Variants in BMPER observed in about 807,000 individuals in gnomAD.
The protein encoded by BMPER is BMP binding endothelial regulator, also known as BMP-binding endothelial regulator protein.
In BMPER, 45 loss-of-function variants were observed where a neutral mutation model predicts 87.3. The ratio of observed to expected loss-of-function variants is 0.52; its 90% CI spans 0.41 to 0.66. The LOEUF is 0.66. Ranked by LOEUF, BMPER falls within the 30% of genes least tolerant of loss-of-function variation. The pLI, the probability that BMPER is intolerant of heterozygous loss-of-function variation, is 0.00. For synonymous variants in BMPER, 326 were observed against 316.2 expected (o/e 1.03, Z -0.33); for missense variants, 784 against 867.5 (o/e 0.90, Z 1.21).
At chr7:33,912,048 T>G (rs1207721972) in intron 2 of BMPER, among the ~76,000 whole-genome samples, 1 of 152,188 alleles carries the variant, frequency 6.6e-6, no homozygotes, top group Non-Finnish European at 1.5e-5. Flanking sequence ...GGCTGCTTCC[T>G]TATTGGTCCA....
At chr7:34,080,087 C>T (rs1486843028) in intron 12 of BMPER, among the ~76,000 whole-genome samples, 2 of 152,152 alleles carry the variant, frequency 1.3e-5, no homozygotes, top group African/African-American at 4.8e-5. Flanking sequence ...TATTGCACTG[C>T]CTTTCCTTTG....
In BMPER at chr7:34,064,663, G is replaced by A. The variant is rs186621426; in HGVS notation, c.1078+2616G>A. Among the ~76,000 whole-genome samples the A allele has an allele frequency of 2.6e-5, 4 of 152,320 alleles. No individual in the cohort carries two copies. In the East Asian group the frequency reaches 5.8e-4, roughly 22 times the overall value. The stretch of plus-strand genomic sequence containing the variant: ...GAGGACAGTGACTCTGCACCTGCGC[G>A]GAGCAGGTCAGTCAGTGCTGGAAGG... On this transcript the variant is annotated intron_variant, in intron 11 of 14. Coordinates refer to ENST00000649409, the MANE Select transcript of BMPER (RefSeq NM_001365308.1).
At chr7:34,106,767 C>T (rs1789829908) in intron 13 of BMPER, among the ~76,000 whole-genome samples, 1 of 152,222 alleles carries the variant, frequency 6.6e-6, no homozygotes, top group African/African-American at 2.4e-5. Context: ...CTCTACCTTG[C>T]CTACCTGTTC....
intron 6 of BMPER, among the ~76,000 whole-genome samples, chr7:33,992,134 C>T (rs1786239481): frequency 6.6e-6 from 1 of 151,514 alleles, no homozygotes; most frequent in South Asian, 2.1e-4. Context: ...CTATTAGGTC[C>T]ACTTGGTGCA....
chr7:33,993,648 T>C (rs988944033), intron 6 of BMPER, among the ~76,000 whole-genome samples: 6 of 152,146 alleles, frequency 3.9e-5, no homozygotes, highest in African/African-American at 1.4e-4. Context: ...CCAGCTTTGT[T>C]CCGTTGCTGG....
At chr7:34,078,767 G>A (rs1585808696) in intron 11 of BMPER, 90 bp from the exon 12 acceptor site, 2 of 1,363,568 alleles carry the variant, frequency 1.5e-6, no homozygotes, top group East Asian at 4.6e-5. Flanking sequence ...TTTCTGCTAA[G>A]GCTTCCCCTT....
intron 4 of BMPER, among the ~76,000 whole-genome samples, chr7:33,967,530 T>C (rs1195199353): frequency 6.6e-6 from 1 of 152,254 alleles, no homozygotes; most frequent in East Asian, 1.9e-4. Context: ...AATATTCAGC[T>C]TATTTATATA....
At chr7:34,064,281 A>ATCTT (rs1788517646) in intron 11 of BMPER, among the ~76,000 whole-genome samples, 1 of 65,666 alleles carries the variant, frequency 1.5e-5, no homozygotes, top group East Asian at 4.5e-4. Context: ...ACAGAGCAAG[A>ATCTT]CTCTGTCAAA....
At chr7:34,104,655 C>G (rs145767514) in intron 13 of BMPER, among the ~76,000 whole-genome samples, 1 of 152,132 alleles carries the variant, frequency 6.6e-6, no homozygotes. Flanking sequence ...TCCAACAAAA[C>G]AGTCTGACTC....
chr7:33,937,006 C>T (rs575118223), intron 2 of BMPER, among the ~76,000 whole-genome samples: 30 of 152,200 alleles, frequency 2.0e-4, no homozygotes, highest in African/African-American at 3.9e-4. Context: ...TCTGAAGGAG[C>T]GGGAGAGAAC....
intron 6 of BMPER, among the ~76,000 whole-genome samples, chr7:33,993,201 C>A (rs1215874859): frequency 1.3e-5 from 2 of 149,294 alleles, no homozygotes; most frequent in Non-Finnish European, 3.0e-5. Flanking sequence ...TGGATAATAT[C>A]CTGCAGAGTG....
chr7:34,101,752 C>G (rs1789687392), intron 13 of BMPER, among the ~76,000 whole-genome samples: 1 of 152,186 alleles, frequency 6.6e-6, no homozygotes. Context: ...TGTAGCCACC[C>G]ATTTTCTTCC....
At position 33,950,207 on chromosome 7, in the gene BMPER, A is replaced by G. The variant is rs62449715; in HGVS notation, c.319+12819A>G. ...CTTTCTAAAGTGGGCCAAGTTGCGA[A>G]TGTTCCTGGCCATGGTGGAGGAGGG... On this transcript the variant is annotated intron_variant, in intron 3 of 14. Transcript: ENST00000649409. 6.4e-3 allele frequency among the ~76,000 whole-genome samples: 969 copies of G among 152,176 alleles called. 7 individuals carry two copies. Among genetic ancestry groups the G allele is most frequent in the Non-Finnish European group, 9.2e-3 (627 of 68,014 alleles).
At chr7:34,054,385 A>G (rs17169634) in intron 8 of BMPER, among the ~76,000 whole-genome samples, 25,959 of 152,182 alleles carry the variant, frequency 0.17, 3,614 homozygotes, top group African/African-American at 0.39. Flanking sequence ...CAAGAAATCA[A>G]GATATGCAGT....
At chr7:34,050,797 TG>T (rs369804358) in intron 7 of BMPER, among the ~76,000 whole-genome samples, 46 of 152,340 alleles carry the variant, frequency 3.0e-4, no homozygotes, top group South Asian at 2.3e-3. Flanking sequence ...ATTGCTGTTT[TG>T]GTCCTTTTGT....
At chr7:33,940,770 T>A (rs1784731296) in intron 3 of BMPER, among the ~76,000 whole-genome samples, 1 of 150,494 alleles carries the variant, frequency 6.6e-6, no homozygotes, top group Non-Finnish European at 1.5e-5. Context: ...GATAATAGTT[T>A]ACTTTGGAAC....
rs527541340 is a variant in BMPER at position 33,951,743 on chromosome 7, C to A, written c.319+14355C>A. Among the ~76,000 whole-genome samples the A allele has an allele frequency of 2.0e-5, 3 of 152,234 alleles. No homozygotes were observed. In the South Asian group the frequency reaches 6.2e-4, roughly 32 times the overall value. The stretch of plus-strand genomic sequence containing the variant: ...AAAATTGGAACTAAGTTTCAATCTT[C>A]CTAGTTCAGCATGTGTCTCATGATG... On this transcript the variant is annotated intron_variant, in intron 3 of 14. Transcript: ENST00000649409.
At chr7:34,126,355 C>A in intron 13 of BMPER, among the ~76,000 whole-genome samples, 1 of 152,080 alleles carries the variant, frequency 6.6e-6, no homozygotes, top group East Asian at 1.9e-4. Flanking sequence ...ACTTGTGGAC[C>A]ATGACTAGGG....
chr7:34,111,570 C>T (rs905387793), intron 13 of BMPER, among the ~76,000 whole-genome samples: 1 of 152,038 alleles, frequency 6.6e-6, no homozygotes, highest in Non-Finnish European at 1.5e-5. Flanking sequence ...AGCTGGCATT[C>T]GAATATGATA....
Sources: allele counts gnomAD v4.1 joint callset (sites outside exome capture counted in the v4.1 genomes callset), GRCh38; gene constraint gnomAD v4.1.1; transcripts MANE v1.5; gene names NCBI Gene and HGNC (gene_info 2026-07-23, HGNC 2026-07-21).